The following PHKB variants were observed in gnomAD, a reference collection of about 807,000 sequenced individuals.
The protein encoded by PHKB is phosphorylase b kinase regulatory subunit beta.
PHKB carries 122 observed loss-of-function variants against 152.1 expected under a neutral mutation model. That is an observed-to-expected ratio of 0.80 (90% CI 0.69 to 0.93). PHKB has a LOEUF of 0.93. PHKB is among the 40% of genes least tolerant of loss of function. The probability of loss-of-function intolerance (pLI) is 0.00; values close to 1 mark genes in which losing one functional copy is unlikely to be tolerated. For missense variants in PHKB, 1,304 were observed against 1,328.4 expected (o/e 0.98, Z 0.29); for synonymous variants, 436 against 464.9 (o/e 0.94, Z 0.80).
At chr16:47,637,750 G>A (rs1394041129) in intron 14 of PHKB, among the ~76,000 whole-genome samples, 1 of 152,126 alleles carries the variant, frequency 6.6e-6, no homozygotes, top group Non-Finnish European at 1.5e-5. Flanking sequence ...GGAAAAAAAT[G>A]GGTAGTAGCT....
intron 26 of PHKB, among the ~76,000 whole-genome samples, chr16:47,685,508 GC>G (rs1218241742): frequency 1.3e-5 from 2 of 152,140 alleles, no homozygotes; most frequent in Non-Finnish European, 2.9e-5. Flanking sequence ...GGGATAATTA[GC>G]CTGATTTTCC....
intron 6 of PHKB, among the ~76,000 whole-genome samples, chr16:47,536,299 C>T (rs1439824401): frequency 6.6e-6 from 1 of 152,158 alleles, no homozygotes; most frequent in East Asian, 1.9e-4. Context: ...GATCCGCCCA[C>T]CTCAGCCTCC....
chr16:47,533,144 C>T (rs1012565112), intron 6 of PHKB, among the ~76,000 whole-genome samples: 2 of 152,160 alleles, frequency 1.3e-5, no homozygotes, highest in African/African-American at 4.8e-5. Flanking sequence ...GTTGTCCTGA[C>T]ATCTGCAGTT....
At chr16:47,553,606 G>A (rs913286553) in intron 7 of PHKB, among the ~76,000 whole-genome samples, 3 of 152,124 alleles carry the variant, frequency 2.0e-5, no homozygotes, top group African/African-American at 7.2e-5. Flanking sequence ...CTTTGGAGGA[G>A]AAGAGGCTAA....
chr16:47,571,916 C>G (rs554823024), intron 7 of PHKB, among the ~76,000 whole-genome samples: 1 of 152,240 alleles, frequency 6.6e-6, no homozygotes, highest in East Asian at 1.9e-4. Context: ...GTGCACTCCC[C>G]ATTCCCATGG....
intron 26 of PHKB, among the ~76,000 whole-genome samples, chr16:47,687,683 A>G (rs1973988740): frequency 6.6e-6 from 1 of 152,216 alleles, no homozygotes; most frequent in Non-Finnish European, 1.5e-5. Flanking sequence ...ATCCTTGTGT[A>G]ACTCTCATGC....
At chr16:47,650,083 C>T (rs1347960207) in intron 18 of PHKB, among the ~76,000 whole-genome samples, 1 of 152,108 alleles carries the variant, frequency 6.6e-6, no homozygotes, top group Non-Finnish European at 1.5e-5. Context: ...ATTGTTCCCC[C>T]TGAGGCCATT....
chr16:47,606,489 T>G (rs1972326415), intron 13 of PHKB, among the ~76,000 whole-genome samples: 1 of 152,246 alleles, frequency 6.6e-6, no homozygotes, highest in Non-Finnish European at 1.5e-5. Flanking sequence ...ATAAACATGT[T>G]TTATAGCTTA....
intron 25 of PHKB, 39 bp downstream of exon 25, chr16:47,665,014 ATG>A: frequency 7.6e-7 from 1 of 1,323,820 alleles, no homozygotes; most frequent in Non-Finnish European, 1.1e-6. Context: ...GCTGCTTGAA[ATG>A]TGTGGGCTTA....
intron 7 of PHKB, among the ~76,000 whole-genome samples, chr16:47,576,660 A>T (rs929954191): frequency 1.3e-5 from 2 of 152,114 alleles, no homozygotes; most frequent in African/African-American, 2.4e-5. Flanking sequence ...CACATTTAGG[A>T]TTGCTATGTC....
At chr16:47,632,470 G>A (rs1972844776) in intron 14 of PHKB, among the ~76,000 whole-genome samples, 2 of 152,154 alleles carry the variant, frequency 1.3e-5, no homozygotes, top group African/African-American at 2.4e-5. Context: ...CTAGAAAAAG[G>A]TGCTGAGAGT....
At chr16:47,686,061 T>G (rs1381088663) in intron 26 of PHKB, among the ~76,000 whole-genome samples, 1 of 152,168 alleles carries the variant, frequency 6.6e-6, no homozygotes, top group Non-Finnish European at 1.5e-5. Context: ...TTTAATAATA[T>G]GACAGATTGT....
At chr16:47,649,030 A>C in intron 17 of PHKB, 70 bp from the exon 18 acceptor site, 1 of 831,740 alleles carries the variant, frequency 1.2e-6, no homozygotes, top group Non-Finnish European at 2.1e-6. Flanking sequence ...TTTTATTGAG[A>C]CTTACAGCAC....
intron 7 of PHKB, among the ~76,000 whole-genome samples, chr16:47,569,262 T>C (rs1359685944): frequency 3.9e-5 from 6 of 152,256 alleles, no homozygotes; most frequent in Admixed American, 1.3e-4. Flanking sequence ...TCTGTTATAA[T>C]ATAATGACTT....
At chr16:47,517,533 A>C (rs1364087669) in intron 6 of PHKB, among the ~76,000 whole-genome samples, 1 of 152,148 alleles carries the variant, frequency 6.6e-6, no homozygotes, top group East Asian at 1.9e-4. Flanking sequence ...CTGGGATTAC[A>C]TCTGGGAGCC....
intron 14 of PHKB, among the ~76,000 whole-genome samples, chr16:47,623,706 A>G (rs1972659515): frequency 6.6e-6 from 1 of 151,798 alleles, no homozygotes; most frequent in Non-Finnish European, 1.5e-5. Context: ...GGGACCTGCC[A>G]TCATGCCTGG....
intron 29 of PHKB, among the ~76,000 whole-genome samples, chr16:47,697,594 C>G (rs569454526): frequency 1.3e-5 from 2 of 152,278 alleles, no homozygotes; most frequent in East Asian, 3.9e-4. Context: ...CTGGATTTTA[C>G]TGTGTTTCCT....
intron 8 of PHKB, among the ~76,000 whole-genome samples, chr16:47,583,455 A>G (rs749041729): frequency 1.3e-5 from 2 of 152,252 alleles, no homozygotes; most frequent in Non-Finnish European, 2.9e-5. Flanking sequence ...ATGAAAATCC[A>G]TAGAAACCAC....
intron 16 of PHKB, among the ~76,000 whole-genome samples, chr16:47,646,680 A>C (rs1973134208): frequency 6.6e-6 from 1 of 151,948 alleles, no homozygotes; most frequent in African/African-American, 2.4e-5. Context: ...ATAAAATGAA[A>C]TATTATTTTG....
Sources: allele counts gnomAD v4.1 joint callset (sites outside exome capture counted in the v4.1 genomes callset), GRCh38; gene constraint gnomAD v4.1.1; transcripts MANE v1.5; gene names NCBI Gene and HGNC (gene_info 2026-07-23, HGNC 2026-07-21).